Variants in EPHB2 observed in about 807,000 individuals in gnomAD.
The protein encoded by EPHB2 is EPH receptor B2.
Under a neutral mutation model 96.4 loss-of-function variants are expected in EPHB2, and 18 were observed. The ratio of observed to expected loss-of-function variants is 0.19; its 90% CI spans 0.13 to 0.28. The LOEUF (loss-of-function observed/expected upper bound fraction) is 0.28, where lower values mean the gene tolerates loss of function less well. Among genes scored for constraint, EPHB2 ranks in the 10% least tolerant of loss-of-function variants. EPHB2 has a pLI of 1.00. For synonymous variants in EPHB2, 506 were observed against 534.1 expected (o/e 0.95, Z 0.72); for missense variants, 989 against 1,355.4 (o/e 0.73, Z 4.25).
chr1:22,766,705 C>T (rs1644312530), intron 1 of EPHB2, among the ~76,000 whole-genome samples: 1 of 152,190 alleles, frequency 6.6e-6, no homozygotes, highest in Non-Finnish European at 1.5e-5. Flanking sequence ...AGAGAAGCAT[C>T]CTGTCCCAGT....
chr1:22,840,086 T>G (rs1645443949), intron 3 of EPHB2, among the ~76,000 whole-genome samples: 1 of 152,056 alleles, frequency 6.6e-6, no homozygotes, highest in Admixed American at 6.5e-5. Context: ...GATGGATGGA[T>G]GGATGAATGG....
At chr1:22,769,687 C>T (rs532358675) in intron 1 of EPHB2, among the ~76,000 whole-genome samples, 3 of 152,272 alleles carry the variant, frequency 2.0e-5, no homozygotes, top group East Asian at 1.9e-4. Context: ...GGATTACAGG[C>T]GTGAGCCACC....
intron 3 of EPHB2, among the ~76,000 whole-genome samples, chr1:22,809,309 G>A (rs978804495): frequency 9.9e-5 from 15 of 152,134 alleles, no homozygotes; most frequent in Non-Finnish European, 2.1e-4. Flanking sequence ...GTATTTACTC[G>A]GCACCCTCAG....
intron 9 of EPHB2, among the ~76,000 whole-genome samples, chr1:22,899,193 CAAAAA>C (rs34967134): frequency 1.7e-5 from 2 of 115,160 alleles, no homozygotes; most frequent in African/African-American, 3.2e-5. Flanking sequence ...AACGCCATCT[CAAAAA>C]AAAAAAAAAA....
intron 1 of EPHB2, among the ~76,000 whole-genome samples, chr1:22,727,614 G>C (rs188204995): frequency 6.6e-6 from 1 of 152,252 alleles, no homozygotes; most frequent in Admixed American, 6.5e-5. Context: ...AGTTGCCTGA[G>C]GACACACAGA....
At chr1:22,866,133 C>G (rs910078355) in intron 5 of EPHB2, among the ~76,000 whole-genome samples, 1 of 152,166 alleles carries the variant, frequency 6.6e-6, no homozygotes, top group African/African-American at 2.4e-5. Context: ...ATGAGATTAT[C>G]GAGGACATTA....
intron 1 of EPHB2, among the ~76,000 whole-genome samples, chr1:22,760,625 A>G (rs1644222300): frequency 2.0e-5 from 3 of 152,074 alleles, no homozygotes; most frequent in African/African-American, 7.2e-5. Flanking sequence ...ACATGCCATG[A>G]TCCCCTGTCC....
chr1:22,824,665 C>T (rs1287993617), intron 3 of EPHB2, among the ~76,000 whole-genome samples: 3 of 152,256 alleles, frequency 2.0e-5, no homozygotes, highest in African/African-American at 7.2e-5. Flanking sequence ...CATATTTCTA[C>T]CTTGAACAGG....
intron 1 of EPHB2, among the ~76,000 whole-genome samples, chr1:22,775,575 A>G (rs1450139509): frequency 5.9e-5 from 9 of 152,250 alleles, no homozygotes; most frequent in Admixed American, 5.2e-4. Flanking sequence ...TTTCAGCCCA[A>G]CGCTAACGAC....
intron 3 of EPHB2, among the ~76,000 whole-genome samples, chr1:22,792,042 A>G (rs888319653): frequency 4.6e-5 from 7 of 151,736 alleles, no homozygotes; most frequent in Admixed American, 4.6e-4. Flanking sequence ...TTTCTGTTTC[A>G]CTCCAGAATC....
chr1:22,838,661 G>A (rs1645419400), intron 3 of EPHB2, among the ~76,000 whole-genome samples: 1 of 152,204 alleles, frequency 6.6e-6, no homozygotes, highest in Admixed American at 6.5e-5. Flanking sequence ...CAGGTGCGTG[G>A]CTCACGCCTG....
At chr1:22,807,193 A>T (rs1000066788) in intron 3 of EPHB2, among the ~76,000 whole-genome samples, 1 of 152,056 alleles carries the variant, frequency 6.6e-6, no homozygotes, top group East Asian at 1.9e-4. Flanking sequence ...GGCTGTCCAC[A>T]TGTTTTCTCC....
At chr1:22,809,458 T>C (rs1239962651) in intron 3 of EPHB2, among the ~76,000 whole-genome samples, 1 of 152,238 alleles carries the variant, frequency 6.6e-6, no homozygotes. Flanking sequence ...TTCATCCTTA[T>C]TAGTATCTGA....
chr1:22,756,102 G>T (rs1444693571), intron 1 of EPHB2, among the ~76,000 whole-genome samples: 2 of 152,322 alleles, frequency 1.3e-5, no homozygotes, highest in Middle Eastern at 6.8e-3. Context: ...CTGAGCCGAG[G>T]GCTTCTGGGG....
intron 3 of EPHB2, among the ~76,000 whole-genome samples, chr1:22,861,419 C>A (rs1449450044): frequency 6.6e-6 from 1 of 152,204 alleles, no homozygotes; most frequent in Non-Finnish European, 1.5e-5. Flanking sequence ...AGGAGGACTG[C>A]TTGAGCCCAG....
At chr1:22,816,134 G>A (rs995333818) in intron 3 of EPHB2, among the ~76,000 whole-genome samples, 4 of 152,102 alleles carry the variant, frequency 2.6e-5, no homozygotes, top group Admixed American at 6.5e-5. Context: ...GGCATCTGTC[G>A]GATTAGTCAG....
At chr1:22,757,806 C>T (rs1400460706) in intron 1 of EPHB2, among the ~76,000 whole-genome samples, 28 of 151,240 alleles carry the variant, frequency 1.9e-4, no homozygotes. Context: ...GAGGCTGCAG[C>T]AAACCATGAT....
At chr1:22,851,469 T>A (rs1645624836) in intron 3 of EPHB2, among the ~76,000 whole-genome samples, 1 of 152,206 alleles carries the variant, frequency 6.6e-6, no homozygotes, top group Non-Finnish European at 1.5e-5. Flanking sequence ...GCTTTTGCCG[T>A]GATGTGAGGA....
intron 1 of EPHB2, among the ~76,000 whole-genome samples, chr1:22,745,982 T>C (rs1257348097): frequency 6.6e-6 from 1 of 152,206 alleles, no homozygotes; most frequent in Non-Finnish European, 1.5e-5. Flanking sequence ...GATCAGGATG[T>C]TTAACTTCTC....
Sources: allele counts gnomAD v4.1 joint callset (sites outside exome capture counted in the v4.1 genomes callset), GRCh38; gene constraint gnomAD v4.1.1; transcripts MANE v1.5; gene names NCBI Gene and HGNC (gene_info 2026-07-23, HGNC 2026-07-21).